The following EYA1 variants were observed in gnomAD, a reference collection of about 807,000 sequenced individuals.
The protein encoded by EYA1 is protein phosphatase EYA1.
In EYA1, 16 loss-of-function variants were observed where a neutral mutation model predicts 82.0. The ratio of observed to expected loss-of-function variants is 0.20; its 90% CI spans 0.13 to 0.30. The LOEUF (loss-of-function observed/expected upper bound fraction) is 0.30. EYA1 is among the 10% of genes least tolerant of loss of function. The probability of loss-of-function intolerance (pLI) is 1.00; values close to 1 mark genes in which losing one functional copy is unlikely to be tolerated. For synonymous variants in EYA1, 261 were observed against 264.4 expected, an observed-to-expected ratio of 0.99 and a Z score of 0.12; for missense variants, 633 against 730.7, an observed-to-expected ratio of 0.87 and a Z score of 1.54.
intron 3 of EYA1, among the ~76,000 whole-genome samples, chr8:71,341,932 G>C (rs999494921): frequency 6.6e-6 from 1 of 152,116 alleles, no homozygotes; most frequent in African/African-American, 2.4e-5. Context: ...TTACTTATGG[G>C]TTGGTCTAGA....
intron 2 of EYA1, among the ~76,000 whole-genome samples, chr8:71,376,833 T>C (rs893068959): frequency 7.9e-5 from 12 of 152,170 alleles, no homozygotes; most frequent in African/African-American, 2.7e-4. Context: ...AACTGCAAGT[T>C]AACTAGTTTT....
chr8:71,340,491 T>C (rs1415916768), intron 3 of EYA1, among the ~76,000 whole-genome samples: 1 of 152,186 alleles, frequency 6.6e-6, no homozygotes, highest in Non-Finnish European at 1.5e-5. Flanking sequence ...GTCTACAGCT[T>C]TGTAGTACCC....
At chr8:71,411,617 T>A (rs1256945580) in intron 2 of EYA1, among the ~76,000 whole-genome samples, 1 of 151,736 alleles carries the variant, frequency 6.6e-6, no homozygotes, top group African/African-American at 2.4e-5. Context: ...GCAGCCAAAA[T>A]ACATGAAAAA....
intron 7 of EYA1, among the ~76,000 whole-genome samples, chr8:71,303,023 C>T (rs1820361629): frequency 7.0e-6 from 1 of 142,326 alleles, no homozygotes; most frequent in Non-Finnish European, 1.6e-5. Flanking sequence ...GACTCCAATG[C>T]ACCCGGGCAT....
intron 7 of EYA1, among the ~76,000 whole-genome samples, chr8:71,300,074 T>C (rs545658322): frequency 6.6e-6 from 1 of 152,308 alleles, no homozygotes; most frequent in South Asian, 2.1e-4. Flanking sequence ...TGGGGTCAGA[T>C]TAGATGATCT....
chr8:71,410,123 A>G (rs1830504557), intron 2 of EYA1, among the ~76,000 whole-genome samples: 1 of 151,794 alleles, frequency 6.6e-6, no homozygotes, highest in East Asian at 1.9e-4. Context: ...GCCAAAGACA[A>G]AAACCACATG....
intron 2 of EYA1, among the ~76,000 whole-genome samples, chr8:71,376,653 T>C (rs968589030): frequency 3.9e-5 from 6 of 152,046 alleles, no homozygotes; most frequent in Non-Finnish European, 7.4e-5. Flanking sequence ...GAGTTGTAAA[T>C]TGAATGTGGG....
intron 2 of EYA1, among the ~76,000 whole-genome samples, chr8:71,376,027 A>G (rs1272132160): frequency 6.6e-6 from 1 of 152,246 alleles, no homozygotes. Flanking sequence ...TGTATGGTGC[A>G]TGTGTATAAA....
chr8:71,261,333 C>T (rs1034327109), intron 11 of EYA1, among the ~76,000 whole-genome samples: 2 of 152,016 alleles, frequency 1.3e-5, no homozygotes, highest in African/African-American at 4.8e-5. Context: ...TATCACTGGG[C>T]TACTTAGATA....
intron 2 of EYA1, among the ~76,000 whole-genome samples, chr8:71,411,701 A>G (rs1180741860): frequency 6.7e-6 from 1 of 148,466 alleles, no homozygotes; most frequent in Non-Finnish European, 1.5e-5. Context: ...ACCAGTTAGA[A>G]TGGCAATCAT....
At chr8:71,422,592 C>T (rs1235489799) in intron 2 of EYA1, among the ~76,000 whole-genome samples, 1 of 152,182 alleles carries the variant, frequency 6.6e-6, no homozygotes, top group African/African-American at 2.4e-5. Context: ...ATACCCAAGA[C>T]TGGGTAATTT....
intron 9 of EYA1, among the ~76,000 whole-genome samples, chr8:71,293,483 A>C (rs1819225372): frequency 6.6e-6 from 1 of 152,190 alleles, no homozygotes; most frequent in South Asian, 2.1e-4. Context: ...GCATTACAAG[A>C]TATGAAAACT....
intron 2 of EYA1, among the ~76,000 whole-genome samples, chr8:71,467,224 C>T (rs1200528828): frequency 3.9e-5 from 6 of 151,906 alleles, no homozygotes; most frequent in Admixed American, 6.6e-5. Context: ...TGTTTTTAAA[C>T]ATACATTTTT....
intron 11 of EYA1, among the ~76,000 whole-genome samples, chr8:71,245,772 C>T (rs777602584): frequency 6.6e-6 from 1 of 152,144 alleles, no homozygotes; most frequent in African/African-American, 2.4e-5. Context: ...GAAGTGATGG[C>T]CACTCTGACC....
At chr8:71,418,837 C>T (rs1261701959) in intron 2 of EYA1, among the ~76,000 whole-genome samples, 1 of 152,106 alleles carries the variant, frequency 6.6e-6, no homozygotes, top group African/African-American at 2.4e-5. Flanking sequence ...TGCTCTTCTA[C>T]ACAGAGCACT....
At chr8:71,265,004 T>G (rs1418331396) in intron 11 of EYA1, among the ~76,000 whole-genome samples, 1 of 152,208 alleles carries the variant, frequency 6.6e-6, no homozygotes, top group African/African-American at 2.4e-5. Context: ...AGGTGAAAAG[T>G]CAGAGCTTGG....
chr8:71,468,660 G>A (rs1279883195), intron 2 of EYA1, among the ~76,000 whole-genome samples: 3 of 151,992 alleles, frequency 2.0e-5, no homozygotes, highest in South Asian at 4.1e-4. Context: ...ATGATGTATT[G>A]TTGTTAGTGC....
At chr8:71,321,671 C>G in intron 6 of EYA1, 63 bp downstream of exon 6, 1 of 1,580,850 alleles carries the variant, frequency 6.3e-7, no homozygotes, top group African/African-American at 1.3e-5. Flanking sequence ...AAGTACCACT[C>G]AAACATGTTA....
At chr8:71,507,827 G>A (rs1041588493) in intron 2 of EYA1, among the ~76,000 whole-genome samples, 11 of 152,208 alleles carry the variant, frequency 7.2e-5, no homozygotes, top group Non-Finnish European at 1.2e-4. Context: ...ATTCTAGGGA[G>A]TAAGAAAAGA....
Sources: gnomAD v4.1 joint callset for allele counts (sites outside exome capture counted in the v4.1 genomes callset) on GRCh38, gnomAD v4.1.1 for gene constraint, MANE v1.5 for transcripts, NCBI Gene and HGNC (gene_info 2026-07-23, HGNC 2026-07-21) for gene names.